Variants in SUSD5 observed in about 807,000 individuals in gnomAD.
SUSD5 encodes sushi domain-containing protein 5.
SUSD5 carries 33 observed loss-of-function variants against 29.5 expected under a neutral mutation model. The observed-to-expected ratio is 1.12, with a 90% CI of 0.85 to 1.49. The LOEUF is 1.49. Among genes scored for constraint, SUSD5 ranks in the 40% most tolerant of loss-of-function variants. SUSD5 has a pLI of 0.00. For synonymous variants in SUSD5, 308 were observed against 325.3 expected, an observed-to-expected ratio of 0.95 and a Z score of 0.57; for missense variants, 776 against 800.6, an observed-to-expected ratio of 0.97 and a Z score of 0.37.
At chr3:33,156,213 G>A (rs1384803378) in intron 4 of SUSD5, among the ~76,000 whole-genome samples, 4 of 151,862 alleles carry the variant, frequency 2.6e-5, no homozygotes, top group Admixed American at 2.0e-4. Context: ...GCTAATTTTG[G>A]TATTTTCAGT....
intron 3 of SUSD5, among the ~76,000 whole-genome samples, chr3:33,196,101 T>TG: frequency 1.3e-5 from 2 of 152,322 alleles, no homozygotes; most frequent in Middle Eastern, 6.8e-3. Context: ...TGGAGACTGA[T>TG]GGTCTTTTGA....
intron 3 of SUSD5, 35 bp from the exon 4 acceptor site, chr3:33,175,109 C>G (rs1237221371): frequency 2.5e-6 from 4 of 1,606,626 alleles, no homozygotes; most frequent in Non-Finnish European, 2.6e-6. Flanking sequence ...CTTTTCCAAA[C>G]TGTGCGGAAC....
At chr3:33,214,463 C>G (rs1206024735) in intron 1 of SUSD5, among the ~76,000 whole-genome samples, 3 of 152,116 alleles carry the variant, frequency 2.0e-5, no homozygotes, top group Non-Finnish European at 4.4e-5. Context: ...CACTTGATGA[C>G]TAAGGCACTG....
rs139902083 is a variant in SUSD5 at position 33,154,088 on chromosome 3, A to G, written c.599-55T>C. ...AGCTCCAAAGGCACAGAGCCAGTAT[A>G]GAACATAAGAAAAGGAAATTAAAAG... On this transcript the variant is annotated intron_variant, in intron 4 of 4. Coordinates refer to ENST00000309558, the MANE Select transcript of SUSD5 (RefSeq NM_015551.2). 2,285 of 1,388,896 alleles carry G rather than the reference A, an allele frequency of 1.6e-3. 11 individuals carry two copies. The African/African-American group carries it at 0.017, about 11-fold the overall frequency. 86.0% of individuals were successfully genotyped at this position (1,388,896 alleles called of 1,614,324 possible). A position where few individuals can be genotyped will look rare whatever the true frequency, so the allele number is the denominator to read the frequency against.
rs148981987 is a variant in SUSD5 at position 33,176,039 on chromosome 3, T to A, written c.410-965A>T. The stretch of plus-strand genomic sequence containing the variant: ...TCTCCCTAAAGATTGCAACAGCTGA[T>A]CCTTTTACTGTCTCCATAGTTTGCC... On this transcript the variant is annotated intron_variant, in intron 3 of 4. Coordinates refer to ENST00000309558, the MANE Select transcript of SUSD5 (RefSeq NM_015551.2). 3.5e-3 allele frequency among the ~76,000 whole-genome samples: 529 copies of A among 152,340 alleles called. 3 individuals carry two copies. Among genetic ancestry groups the A allele is most frequent in the African/African-American group, 0.012 (491 of 41,582 alleles).
At chr3:33,181,444 T>A (rs1375181234) in intron 3 of SUSD5, among the ~76,000 whole-genome samples, 1 of 151,294 alleles carries the variant, frequency 6.6e-6, no homozygotes, top group Admixed American at 6.6e-5. Context: ...CAGGCTGGAA[T>A]GCTGTGACAT....
chr3:33,179,087 T>TA (rs751836198), intron 3 of SUSD5, among the ~76,000 whole-genome samples: 1 of 152,210 alleles, frequency 6.6e-6, no homozygotes, highest in Non-Finnish European at 1.5e-5. Context: ...GGAAGGTAAT[T>TA]AGTTATTGAT....
chr3:33,156,625 G>A (rs1575526683), intron 4 of SUSD5, among the ~76,000 whole-genome samples: 1 of 152,138 alleles, frequency 6.6e-6, no homozygotes, highest in East Asian at 1.9e-4. Context: ...AAAACAGACT[G>A]CTTCTCCCAC....
chr3:33,161,198 C>A (rs1295141644), intron 4 of SUSD5, among the ~76,000 whole-genome samples: 3 of 152,136 alleles, frequency 2.0e-5, no homozygotes, highest in Non-Finnish European at 4.4e-5. Flanking sequence ...CACACACACA[C>A]AATATTCATT....
At position 33,153,459 on chromosome 3, in the gene SUSD5, A is replaced by C. The variant is rs1265977241; in HGVS notation, c.1173T>G (p.Asp391Glu). ...WRKTEAEEEE[D>E]GDRGDGSVGL... is the part of the protein sequence containing the mutation. ...CTACTGACCCATCCCCTCTGTCCCC[A>C]TCTTCTTCCTCTTCTGCCTCTGTCT... Residue 391 changes from aspartate (D) to glutamate (E), a missense_variant, in exon 5 of 5, where the codon GAT (aspartate) becomes GAG (glutamate). Transcript: ENST00000309558. The C allele has an allele frequency of 6.2e-7, 1 of 1,613,932 alleles. No individual in the cohort carries two copies. Among genetic ancestry groups the C allele is most frequent in the Non-Finnish European group, 8.5e-7 (1 of 1,179,956 alleles).
At chr3:33,199,214 TCACACA>T (rs35522769) in intron 3 of SUSD5, among the ~76,000 whole-genome samples, 5,715 of 147,952 alleles carry the variant, frequency 0.039, 315 homozygotes, top group African/African-American at 0.13. Flanking sequence ...GGGGAGAATT[TCACACA>T]CACACACACA....
At chr3:33,168,405 T>C (rs1045689252) in intron 4 of SUSD5, 24 of 612,654 alleles carry the variant, frequency 3.9e-5, no homozygotes, top group East Asian at 1.4e-4. Flanking sequence ...TTCAGTCTCA[T>C]GCCTTCTTCT....
chr3:33,213,878 T>C (rs201822758), intron 2 of SUSD5, 50 bp downstream of exon 2: 17 of 1,546,550 alleles, frequency 1.1e-5, no homozygotes, highest in Non-Finnish European at 1.1e-5. Flanking sequence ...TATATAAGCC[T>C]TGGTGGTGCA....
chr3:33,217,558 T>G (rs779735332), intron 1 of SUSD5, among the ~76,000 whole-genome samples: 1 of 152,242 alleles, frequency 6.6e-6, no homozygotes, highest in Non-Finnish European at 1.5e-5. Flanking sequence ...TCTGAGGATA[T>G]GGAGAAATAC....
chr3:33,205,694 A>G (rs115469105), intron 3 of SUSD5, among the ~76,000 whole-genome samples: 5,843 of 152,292 alleles, frequency 0.038, 321 homozygotes, highest in African/African-American at 0.13. Context: ...GGCCTGTTGG[A>G]TGAGGAGAAA....
At chr3:33,157,413 A>G (rs749817524) in intron 4 of SUSD5, among the ~76,000 whole-genome samples, 3 of 152,240 alleles carry the variant, frequency 2.0e-5, no homozygotes, top group Non-Finnish European at 2.9e-5. Context: ...ACTTTTCACT[A>G]CAATTTACCC....
At position 33,150,307 on chromosome 3, in the gene SUSD5, C is replaced by A. The variant is rs886408249; in HGVS notation, c.*2435G>T. ...TCCATGTCTACAAATAAAACATTTA[C>A]CTGTATTAATAATTTGTAATAAATT... On this transcript the variant is annotated 3_prime_UTR_variant, in exon 5 of 5. Coordinates refer to ENST00000309558, the MANE Select transcript of SUSD5 (RefSeq NM_015551.2). 5 of 151,890 alleles carry A rather than the reference C, an allele frequency of 3.3e-5. No individual in the cohort carries two copies. Among genetic ancestry groups the A allele is most frequent in the African/African-American group, 1.2e-4 (5 of 41,418 alleles). 9.4% of individuals were successfully genotyped at this position (151,890 alleles called of 1,614,324 possible). A position where few individuals can be genotyped will look rare whatever the true frequency, so the allele number is the denominator to read the frequency against.
At position 33,175,001 on chromosome 3, in the gene SUSD5, AT is replaced by A; in HGVS notation, c.482del (p.Asp161ValfsTer100). ...LQGRTGLEMG[D>X]ELLYVCAPGH... ...CTGGGGCACACACGTACAGCAGTTC[AT>A]CCCCCATTTCCAAGCCGGTGCGGCC... On this transcript the variant is annotated frameshift_variant, in exon 4 of 5. Coordinates refer to ENST00000309558, the MANE Select transcript of SUSD5 (RefSeq NM_015551.2). LOFTEE classifies it high-confidence loss of function. 6.2e-7 allele frequency: 1 copy of A among 1,613,878 alleles called. No homozygotes were observed. Among genetic ancestry groups the A allele is most frequent in the South Asian group, 1.1e-5 (1 of 91,090 alleles).
chr3:33,156,422 A>C (rs1051825225), intron 4 of SUSD5, among the ~76,000 whole-genome samples: 1 of 152,190 alleles, frequency 6.6e-6, no homozygotes, highest in Non-Finnish European at 1.5e-5. Context: ...TTCTGAATTC[A>C]ACTGAATAAG....
Sources: allele counts gnomAD v4.1 joint callset (sites outside exome capture counted in the v4.1 genomes callset), GRCh38; gene constraint gnomAD v4.1.1; transcripts MANE v1.5; gene names NCBI Gene and HGNC (gene_info 2026-07-23, HGNC 2026-07-21).